The following ZNF726 variants were observed in gnomAD, a reference collection of about 807,000 sequenced individuals.
ZNF726 encodes zinc finger protein 726.
Under a neutral mutation model 11.6 loss-of-function variants are expected in ZNF726, and 15 were observed. That is an observed-to-expected ratio of 1.29 (90% CI 0.86 to 1.99). The LOEUF (loss-of-function observed/expected upper bound fraction) is 1.99. ZNF726 is among the 30% of genes most tolerant of loss of function. ZNF726 has a pLI of 0.00. For synonymous variants in ZNF726, 295 were observed against 243.6 expected (o/e 1.21, Z -1.96); for missense variants, 890 against 725.6 (o/e 1.23, Z -2.60).
intron 1 of ZNF726, among the ~76,000 whole-genome samples, chr19:23,915,613 C>A (rs930932142): frequency 1.3e-5 from 2 of 151,540 alleles, no homozygotes; most frequent in East Asian, 1.9e-4. Flanking sequence ...GAGGCAGAGT[C>A]TCTGTTGCCC....
intron 3 of ZNF726, among the ~76,000 whole-genome samples, chr19:23,922,198 T>C (rs1967869531): frequency 6.6e-6 from 1 of 152,242 alleles, no homozygotes. Flanking sequence ...TTCAGGACTT[T>C]GCTCTGAAGG....
downstream of ZNF726, among the ~76,000 whole-genome samples, chr19:23,937,963 TTTCAA>T (rs1195119686): frequency 6.6e-6 from 1 of 152,250 alleles, no homozygotes; most frequent in Non-Finnish European, 1.5e-5. Flanking sequence ...GAACTTAACT[TTTCAA>T]TTCAGCATTT....
At chr19:23,941,976 T>C (rs1293888025) in intron 3 of ZNF726, among the ~76,000 whole-genome samples, 1 of 152,110 alleles carries the variant, frequency 6.6e-6, no homozygotes, top group Non-Finnish European at 1.5e-5. Context: ...ATTAGTTATG[T>C]TCTGATCATG....
chr19:23,934,341 C>T lies in ZNF726; in HGVS notation c.*374C>T, dbSNP rs1389608986. Reference sequence around the variant, plus strand: ...TGTGGCAAAGCCTTTAAATGTTCCTCAACTGTTACTGAACATAAAGTAATT... The same window carrying T: ...TGTGGCAAAGCCTTTAAATGTTCCTTAACTGTTACTGAACATAAAGTAATT... On this transcript the variant is annotated 3_prime_UTR_variant, in exon 4 of 4. Coordinates refer to ENST00000594466, the MANE Select transcript of ZNF726 (RefSeq NM_001244038.2). 3 of 561,918 alleles carry T rather than the reference C, an allele frequency of 5.3e-6. No individual in the cohort carries two copies. The highest frequency in any genetic ancestry group is 1.1e-5 in the Non-Finnish European group (3 of 283,206). The allele number at this position is 561,918 out of a possible 1,614,324, so 34.8% of individuals were successfully genotyped here. A position where few individuals can be genotyped will look rare whatever the true frequency, so the allele number is the denominator to read the frequency against.
At chr19:23,935,378 C>G (rs766521518), downstream of ZNF726, 3 of 526,462 alleles carry the variant, frequency 5.7e-6, no homozygotes, top group East Asian at 1.1e-4. Context: ...AGCAACCCTA[C>G]AAATGGGAAA....
At chr19:23,927,765 A>T (rs1968020234) in intron 3 of ZNF726, 1 of 152,218 alleles carries the variant, frequency 6.6e-6, no homozygotes, top group African/African-American at 2.4e-5. Context: ...TATAGGCATG[A>T]GCTACACCAC....
intron 1 of ZNF726, among the ~76,000 whole-genome samples, chr19:23,915,546 T>C (rs1967677000): frequency 6.6e-6 from 1 of 152,088 alleles, no homozygotes; most frequent in Non-Finnish European, 1.5e-5. Context: ...GGTACGGTTA[T>C]GTAGATTTTG....
chr19:23,932,092 A>G (rs929038686), intron 3 of ZNF726, among the ~76,000 whole-genome samples: 19 of 152,096 alleles, frequency 1.2e-4, no homozygotes, highest in South Asian at 6.2e-4. Context: ...TTTTTCTTCT[A>G]TGTGGTTTTT....
intron 1 of ZNF726, among the ~76,000 whole-genome samples, chr19:23,917,203 G>T (rs1322758147): frequency 6.6e-6 from 1 of 152,176 alleles, no homozygotes; most frequent in African/African-American, 2.4e-5. Context: ...CACCTTCTTT[G>T]GCCTCCCAAA....
chr19:23,943,124 G>T (rs751408837), intron 3 of ZNF726, among the ~76,000 whole-genome samples: 2 of 152,090 alleles, frequency 1.3e-5, no homozygotes, highest in Non-Finnish European at 2.9e-5. Context: ...AGGTTCAAGC[G>T]ATTCTCCTGC....
Position 23,932,912 on chromosome 19 carries a change from T to A in ZNF726, c.796T>A (p.Phe266Ile). The A allele has an allele frequency of 6.2e-7, 1 of 1,610,650 alleles. No homozygotes were observed. The highest frequency in any genetic ancestry group is 8.5e-7 in the Non-Finnish European group (1 of 1,178,992). ...PYKCEECGKAFSQSSTLTIHK... is the reference protein window; with the variant it reads ...PYKCEECGKAISQSSTLTIHK... ...CAAGTGTGAAGAATGTGGCAAAGCA[T>A]TTAGCCAATCCTCAACACTAACCAT... The change falls in exon 4 of 4, where the codon TTT becomes ATT. Residue 266 changes from phenylalanine to isoleucine, a missense_variant. Coordinates refer to ENST00000594466, the MANE Select transcript of ZNF726 (RefSeq NM_001244038.2).
downstream of ZNF726, among the ~76,000 whole-genome samples, chr19:23,936,406 C>T (rs866252473): frequency 6.6e-6 from 1 of 151,918 alleles, no homozygotes; most frequent in Non-Finnish European, 1.5e-5. Flanking sequence ...TTTGAAAATA[C>T]AGAATTTTAA....
At chr19:23,925,672 C>T (rs1261246074) in intron 3 of ZNF726, among the ~76,000 whole-genome samples, 4 of 146,540 alleles carry the variant, frequency 2.7e-5, no homozygotes, top group Non-Finnish European at 6.0e-5. Flanking sequence ...TTGTCTATTT[C>T]TAAATAAAGT....
At chr19:23,923,039 T>C (rs1286106663) in intron 3 of ZNF726, among the ~76,000 whole-genome samples, 1 of 152,170 alleles carries the variant, frequency 6.6e-6, no homozygotes, top group Non-Finnish European at 1.5e-5. Flanking sequence ...TACTAGAATT[T>C]ACATGTTGTT....
chr19:23,934,018 C>A lies in ZNF726; in HGVS notation c.*51C>A. The A allele has an allele frequency of 6.4e-7, 1 of 1,565,238 alleles. No homozygotes were observed. Among genetic ancestry groups the A allele is most frequent in the Non-Finnish European group, 8.7e-7 (1 of 1,143,316 alleles). On this transcript the variant is annotated 3_prime_UTR_variant, in exon 4 of 4. Transcript: ENST00000594466. The stretch of plus-strand genomic sequence containing the variant: ...TGTGGCAAAGCATTTATATGGTCCT[C>A]AACGCTAAACATAAGAGGATGCACA...
At chr19:23,919,910 C>T in intron 2 of ZNF726, 77 bp from the exon 3 acceptor site, 1 of 952,820 alleles carries the variant, frequency 1.0e-6, no homozygotes, top group South Asian at 1.5e-5. Context: ...TATTATATCC[C>T]TTTTACTTTG....
At chr19:23,937,142 C>T (rs373196568), downstream of ZNF726, among the ~76,000 whole-genome samples, 7 of 149,392 alleles carry the variant, frequency 4.7e-5, no homozygotes, top group African/African-American at 1.5e-4. Context: ...GGGGGGCTGA[C>T]CCCCCCACCT....
chr19:23,931,013 C>G (rs1277469715), intron 3 of ZNF726, among the ~76,000 whole-genome samples: 1 of 152,186 alleles, frequency 6.6e-6, no homozygotes, highest in African/African-American at 2.4e-5. Context: ...TTCTGTCACC[C>G]TCACTGGAGT....
chr19:23,918,187 G>A (rs1388805943), intron 1 of ZNF726, among the ~76,000 whole-genome samples: 12 of 152,156 alleles, frequency 7.9e-5, no homozygotes, highest in Non-Finnish European at 1.6e-4. Flanking sequence ...CGAGAAGGTT[G>A]TTTACCAGGG....
Sources: gnomAD v4.1 joint callset for allele counts (sites outside exome capture counted in the v4.1 genomes callset) on GRCh38, gnomAD v4.1.1 for gene constraint, MANE v1.5 for transcripts, NCBI Gene and HGNC (gene_info 2026-07-23, HGNC 2026-07-21) for gene names.